CNTN5: variants seen among roughly 807,000 people sequenced by gnomAD.
CNTN5 encodes the protein contactin-5.
Under a neutral mutation model 129.1 loss-of-function variants are expected in CNTN5, and 77 were observed. That is an observed-to-expected ratio of 0.60 (90% CI 0.50 to 0.72). The LOEUF (loss-of-function observed/expected upper bound fraction) is 0.72, where lower values mean the gene tolerates loss of function less well. Ranked by LOEUF, CNTN5 falls within the 30% of genes least tolerant of loss-of-function variation. The probability of loss-of-function intolerance (pLI) is 0.00; values close to 1 mark genes in which losing one functional copy is unlikely to be tolerated. For missense variants in CNTN5, 1,478 were observed against 1,328.8 expected (o/e 1.11, Z -1.75); for synonymous variants, 509 against 465.6 (o/e 1.09, Z -1.20).
In CNTN5 at chr11:99,881,656, G is replaced by T. The variant is rs182100591; in HGVS notation, c.578-34398G>T. Among the ~76,000 whole-genome samples the T allele has an allele frequency of 2.2e-3, 338 of 152,274 alleles. 1 individual carries two copies. Among genetic ancestry groups the T allele is most frequent in the Admixed American group, 4.4e-3 (67 of 15,294 alleles). On this transcript the variant is annotated intron_variant, in intron 6 of 24. Coordinates refer to ENST00000524871, the MANE Select transcript of CNTN5 (RefSeq NM_014361.4). ...TTGTTATTTTTAAAATAAAATAAAG[G>T]GGGGGAGCTGGCTTAGTAAGTGCTG...
At chr11:99,044,554 A>G (rs1211356219) in intron 1 of CNTN5, among the ~76,000 whole-genome samples, 1 of 152,140 alleles carries the variant, frequency 6.6e-6, no homozygotes, top group Non-Finnish European at 1.5e-5. Context: ...AGCCACAGAG[A>G]TGGACCAAGT....
At chr11:99,767,535 T>C (rs1944794911) in intron 3 of CNTN5, among the ~76,000 whole-genome samples, 1 of 151,928 alleles carries the variant, frequency 6.6e-6, no homozygotes, top group South Asian at 2.1e-4. Flanking sequence ...GTGGATAAAA[T>C]AGTACATGCC....
chr11:100,202,210 A>G (rs1040912527), intron 15 of CNTN5, among the ~76,000 whole-genome samples: 2 of 152,000 alleles, frequency 1.3e-5, no homozygotes, highest in Non-Finnish European at 2.9e-5. Flanking sequence ...CTGAACTCCA[A>G]TACATTATCA....
intron 1 of CNTN5, among the ~76,000 whole-genome samples, chr11:99,180,010 C>T (rs572561270): frequency 1.3e-5 from 2 of 152,180 alleles, no homozygotes; most frequent in South Asian, 4.2e-4. Context: ...TTATAGGTAT[C>T]CTTACCTTTA....
intron 18 of CNTN5, among the ~76,000 whole-genome samples, chr11:100,295,915 G>A (rs1181853388): frequency 1.3e-5 from 2 of 151,442 alleles, no homozygotes; most frequent in Middle Eastern, 3.2e-3. Context: ...GAGTGTATGT[G>A]TGTATGTATG....
intron 3 of CNTN5, among the ~76,000 whole-genome samples, chr11:99,646,809 TAAAAAA>T (rs5794011): frequency 7.6e-5 from 10 of 131,802 alleles, no homozygotes; most frequent in Non-Finnish European, 1.1e-4. Context: ...TGTCAATTCT[TAAAAAA>T]AAAAAAAAAA....
At chr11:99,669,078 C>T (rs1952922356) in intron 3 of CNTN5, among the ~76,000 whole-genome samples, 1 of 152,098 alleles carries the variant, frequency 6.6e-6, no homozygotes. Context: ...ATGATTTATA[C>T]TCTTACTTTG....
intron 13 of CNTN5, among the ~76,000 whole-genome samples, chr11:100,131,961 CG>C (rs1946391637): frequency 6.6e-6 from 1 of 151,886 alleles, no homozygotes; most frequent in Admixed American, 6.6e-5. Context: ...AAAGGTAGGG[CG>C]GGGGCATCCA....
intron 2 of CNTN5, among the ~76,000 whole-genome samples, chr11:99,388,286 A>C (rs980709536): frequency 6.6e-6 from 1 of 151,914 alleles, no homozygotes. Context: ...ATGGTGGCAC[A>C]CACCTGTAAT....
intron 4 of CNTN5, among the ~76,000 whole-genome samples, chr11:99,836,043 A>C (rs1027902498): frequency 1.3e-5 from 2 of 152,136 alleles, no homozygotes; most frequent in African/African-American, 4.8e-5. Flanking sequence ...TAGACAGTCC[A>C]AAGGGCTGCT....
intron 7 of CNTN5, among the ~76,000 whole-genome samples, chr11:99,935,805 C>G (rs1315555825): frequency 6.6e-6 from 1 of 152,210 alleles, no homozygotes; most frequent in Admixed American, 6.6e-5. Flanking sequence ...GTAATCTTTA[C>G]TATTACCCTT....
At chr11:99,659,645 A>G (rs1268149512) in intron 3 of CNTN5, among the ~76,000 whole-genome samples, 1 of 152,168 alleles carries the variant, frequency 6.6e-6, no homozygotes, top group Non-Finnish European at 1.5e-5. Flanking sequence ...GCCCAAAGGC[A>G]GTCTGGAAGT....
intron 23 of CNTN5, among the ~76,000 whole-genome samples, chr11:100,344,976 A>G (rs1183415491): frequency 6.6e-6 from 1 of 152,168 alleles, no homozygotes; most frequent in African/African-American, 2.4e-5. Flanking sequence ...TAAAGCTTAT[A>G]TTAATAAAGT....
chr11:100,107,647 G>A (rs1377464011), intron 13 of CNTN5, among the ~76,000 whole-genome samples: 1 of 151,970 alleles, frequency 6.6e-6, no homozygotes, highest in East Asian at 1.9e-4. Context: ...GTAGTTGAGT[G>A]TGACATTCTC....
Position 99,556,241 on chromosome 11 carries a change from G to A in CNTN5, c.27G>A (p.Leu9=). Residue 9 remains leucine, a synonymous_variant, in exon 3 of 25, where the codon CTG becomes CTA. Transcript: ENST00000524871. Reference sequence around the variant, plus strand: ...TGGCTTCCTCTTGGAAACTAATGCTGTTTCTGTCAGTCACCATGTGTCTTT... The same window carrying A: ...TGGCTTCCTCTTGGAAACTAATGCTATTTCTGTCAGTCACCATGTGTCTTT... MASSWKLM[L]FLSVTMCLSE... is the part of the protein sequence containing the mutation. 1 of 1,528,612 alleles carries A rather than the reference G, an allele frequency of 6.5e-7. No homozygotes were observed. Among genetic ancestry groups the A allele is most frequent in the Admixed American group, 2.0e-5 (1 of 49,732 alleles). 94.7% of individuals were successfully genotyped at this position (1,528,612 alleles called of 1,614,324 possible). A position where few individuals can be genotyped will look rare whatever the true frequency, so the allele number is the denominator to read the frequency against.
intron 13 of CNTN5, among the ~76,000 whole-genome samples, chr11:100,150,525 T>TTAATC (rs150075514): frequency 0.2 from 30,583 of 151,674 alleles, 4,040 homozygotes; most frequent in East Asian, 0.52. Context: ...GATTTGTCAG[T>TTAATC]TAATCTATAA....
intron 3 of CNTN5, among the ~76,000 whole-genome samples, chr11:99,585,930 G>C (rs1432117579): frequency 6.6e-6 from 1 of 152,102 alleles, no homozygotes; most frequent in Non-Finnish European, 1.5e-5. Flanking sequence ...GGATTTTCTT[G>C]TAAAATAAAT....
At chr11:100,306,206 C>A (rs1258010614) in intron 20 of CNTN5, among the ~76,000 whole-genome samples, 2 of 151,552 alleles carry the variant, frequency 1.3e-5, no homozygotes, top group Admixed American at 1.3e-4. Context: ...ATTTAAAATC[C>A]TTAGAGCTTT....
intron 3 of CNTN5, among the ~76,000 whole-genome samples, chr11:99,713,885 G>T (rs188965149): frequency 6.6e-6 from 1 of 152,014 alleles, no homozygotes; most frequent in African/African-American, 2.4e-5. Flanking sequence ...TATCTGCATA[G>T]CTGAGCAAAA....
Sources: gnomAD v4.1 joint callset for allele counts (sites outside exome capture counted in the v4.1 genomes callset) on GRCh38, gnomAD v4.1.1 for gene constraint, MANE v1.5 for transcripts, NCBI Gene and HGNC (gene_info 2026-07-23, HGNC 2026-07-21) for gene names.